The following TRAPPC9 variants were observed in gnomAD, a reference collection of about 807,000 sequenced individuals.
TRAPPC9 encodes trafficking protein particle complex subunit 9.
A neutral mutation model predicts 124.0 loss-of-function variants in TRAPPC9; 83 were observed. The observed-to-expected ratio is 0.67, with a 90% CI of 0.56 to 0.80. TRAPPC9 has a LOEUF of 0.80. Among genes scored for constraint, TRAPPC9 ranks in the 30% least tolerant of loss-of-function variants. The pLI is 0.00. For synonymous variants in TRAPPC9, 638 were observed against 617.5 expected (o/e 1.03, Z -0.49); for missense variants, 1,302 against 1,508.3 (o/e 0.86, Z 2.27).
At chr8:139,912,970 A>G (rs1831847327) in intron 19 of TRAPPC9, among the ~76,000 whole-genome samples, 1 of 152,228 alleles carries the variant, frequency 6.6e-6, no homozygotes, top group African/African-American at 2.4e-5. Flanking sequence ...TTGATAATCC[A>G]AAAGGAACTA....
chr8:140,287,777 C>T, intron 12 of TRAPPC9, 43 bp from the exon 13 acceptor site: 1 of 1,613,220 alleles, frequency 6.2e-7, no homozygotes, highest in Non-Finnish European at 8.5e-7. Context: ...AGCAAACCTA[C>T]TGTGTGTGCT....
rs148515995 is a variant in TRAPPC9 at position 140,227,240 on chromosome 8, C to T, written c.2432-5657G>A. ...GGGCGCGCCTGGGAAGGATCTCTCT[C>T]CAGCTGGGGTGGGGTGGAGGGGAGA... On this transcript the variant is annotated intron_variant, in intron 16 of 22. Coordinates refer to ENST00000438773, the MANE Select transcript of TRAPPC9 (RefSeq NM_001160372.4). 3.3e-3 allele frequency among the ~76,000 whole-genome samples: 506 copies of T among 152,184 alleles called. 4 individuals carry two copies. Among genetic ancestry groups the T allele is most frequent in the African/African-American group, 0.012 (487 of 41,508 alleles).
intron 19 of TRAPPC9, among the ~76,000 whole-genome samples, chr8:139,968,234 G>C (rs939798049): frequency 1.3e-5 from 2 of 152,018 alleles, no homozygotes; most frequent in African/African-American, 2.4e-5. Flanking sequence ...CTTTCATTAC[G>C]TAAAGCTGAG....
chr8:140,304,314 C>T (rs1439654063), intron 10 of TRAPPC9, among the ~76,000 whole-genome samples: 1 of 152,100 alleles, frequency 6.6e-6, no homozygotes, highest in African/African-American at 2.4e-5. Flanking sequence ...AGGCCGGTCT[C>T]GAACTCCTGA....
chr8:140,301,707 G>A (rs1290369333), intron 10 of TRAPPC9, among the ~76,000 whole-genome samples: 8 of 152,216 alleles, frequency 5.3e-5, no homozygotes, highest in East Asian at 3.9e-4. Context: ...CCCGGCCTCC[G>A]CAGGAAGGTG....
intron 14 of TRAPPC9, among the ~76,000 whole-genome samples, chr8:140,280,238 G>A (rs1373352724): frequency 4.6e-5 from 7 of 152,230 alleles, no homozygotes; most frequent in Admixed American, 1.3e-4. Flanking sequence ...GCTTGGAAGC[G>A]TCCAGGCCCG....
At chr8:140,214,037 G>T (rs1446163022) in intron 17 of TRAPPC9, among the ~76,000 whole-genome samples, 1 of 152,230 alleles carries the variant, frequency 6.6e-6, no homozygotes, top group African/African-American at 2.4e-5. Context: ...TGAAGGCTGT[G>T]CATAAGTTGG....
intron 17 of TRAPPC9, among the ~76,000 whole-genome samples, chr8:140,031,241 TC>T (rs1840477069): frequency 6.6e-6 from 1 of 152,128 alleles, no homozygotes; most frequent in African/African-American, 2.4e-5. Flanking sequence ...AATTAAAGCT[TC>T]ATGTGACCTG....
intron 17 of TRAPPC9, among the ~76,000 whole-genome samples, chr8:140,118,551 G>A (rs139041894): frequency 6.6e-6 from 1 of 152,298 alleles, no homozygotes; most frequent in African/African-American, 2.4e-5. Flanking sequence ...CTGTCACTAA[G>A]GGGCTCAGGG....
Position 140,353,935 on chromosome 8 carries a change from G to A in TRAPPC9, c.1495+6115C>T, listed in dbSNP as rs2067660781. 1.3e-5 allele frequency among the ~76,000 whole-genome samples: 2 copies of A among 152,236 alleles called. No homozygotes were observed. Among genetic ancestry groups the A allele is most frequent in the African/African-American group, 2.4e-5 (1 of 41,454 alleles). On this transcript the variant is annotated intron_variant, in intron 9 of 22. Coordinates refer to ENST00000438773, the MANE Select transcript of TRAPPC9 (RefSeq NM_001160372.4). The surrounding 1 kb of genome is among the most constrained non-coding windows in gnomAD (Gnocchi z 4.2). ...ACCTCCACAGCCCAGCATGCTGGAAGCTCTGACAGCGGCAGGCACAGGGCA... is the reference window on the plus strand; with the variant it reads ...ACCTCCACAGCCCAGCATGCTGGAAACTCTGACAGCGGCAGGCACAGGGCA...
chr8:140,152,270 G>A (rs1365640692), intron 17 of TRAPPC9, among the ~76,000 whole-genome samples: 1 of 145,496 alleles, frequency 6.9e-6, no homozygotes, highest in Non-Finnish European at 1.5e-5. Context: ...TGACTCTTAG[G>A]ATTAGCTTGT....
At chr8:140,385,902 A>C (rs1049788029) in intron 7 of TRAPPC9, among the ~76,000 whole-genome samples, 2 of 152,196 alleles carry the variant, frequency 1.3e-5, no homozygotes, top group Non-Finnish European at 2.9e-5. Flanking sequence ...GATGAACATC[A>C]ATGCAAAAAT....
chr8:140,348,947 G>C (rs1246867238), intron 9 of TRAPPC9, among the ~76,000 whole-genome samples: 1 of 152,042 alleles, frequency 6.6e-6, no homozygotes, highest in East Asian at 1.9e-4. Flanking sequence ...AGAAAGCACC[G>C]TGTAGAGGAA....
intron 19 of TRAPPC9, among the ~76,000 whole-genome samples, chr8:139,959,823 C>G (rs559347912): frequency 5.9e-5 from 9 of 152,296 alleles, no homozygotes; most frequent in Admixed American, 3.3e-4. Flanking sequence ...AACTCAAGAC[C>G]CCAGGCAGGT....
chr8:140,402,155 C>T (rs1250812932), intron 6 of TRAPPC9, among the ~76,000 whole-genome samples: 1 of 151,768 alleles, frequency 6.6e-6, no homozygotes, highest in Non-Finnish European at 1.5e-5. Flanking sequence ...TTGCTTCAGG[C>T]CAGGAGTTCC....
At chr8:140,064,954 GAAGAA>G (rs1351385480) in intron 17 of TRAPPC9, among the ~76,000 whole-genome samples, 1 of 152,200 alleles carries the variant, frequency 6.6e-6, no homozygotes, top group African/African-American at 2.4e-5. Flanking sequence ...TCTACAGTGA[GAAGAA>G]ATGATCCTGT....
intron 6 of TRAPPC9, among the ~76,000 whole-genome samples, chr8:140,399,904 T>C (rs2069210172): frequency 6.6e-6 from 1 of 152,212 alleles, no homozygotes. Flanking sequence ...TCCCACATGT[T>C]GTGGGAGGGA....
At chr8:139,763,255 T>A (rs541853303) in intron 21 of TRAPPC9, among the ~76,000 whole-genome samples, 1 of 151,782 alleles carries the variant, frequency 6.6e-6, no homozygotes, top group Non-Finnish European at 1.5e-5. Flanking sequence ...CACAGAGGAG[T>A]GTGGGGATTA....
At chr8:140,215,173 A>G (rs2063161132) in intron 17 of TRAPPC9, among the ~76,000 whole-genome samples, 1 of 152,078 alleles carries the variant, frequency 6.6e-6, no homozygotes, top group African/African-American at 2.4e-5. Flanking sequence ...AATCCACCAC[A>G]TTCACTACTG....
Sources: allele counts gnomAD v4.1 joint callset (sites outside exome capture counted in the v4.1 genomes callset), GRCh38; gene constraint gnomAD v4.1.1; non-coding constraint Gnocchi (gnomAD v3.1); transcripts MANE v1.5; gene names NCBI Gene and HGNC (gene_info 2026-07-23, HGNC 2026-07-21).